ATG4B: variants seen among roughly 807,000 people sequenced by gnomAD.
ATG4B encodes the protein autophagy related 4B cysteine peptidase.
ATG4B carries 29 observed loss-of-function variants against 56.6 expected under a neutral mutation model. The observed-to-expected ratio is 0.51, with a 90% CI of 0.38 to 0.70. The LOEUF (loss-of-function observed/expected upper bound fraction) is 0.70, where lower values mean the gene tolerates loss of function less well. Ranked by LOEUF, ATG4B falls within the 30% of genes least tolerant of loss-of-function variation. The pLI, the probability that ATG4B is intolerant of heterozygous loss-of-function variation, is 0.00. For missense variants in ATG4B, 461 were observed against 515.5 expected (o/e 0.89, Z 1.02); for synonymous variants, 224 against 206.1 (o/e 1.09, Z -0.74).
intron 6 of ATG4B, 117 bp from the exon 7 acceptor site, chr2:241,658,984 GCCTTGGC>G (rs2068502387): frequency 1.5e-6 from 1 of 653,074 alleles, no homozygotes; most frequent in African/African-American, 1.8e-5. Context: ...GATTTTAGGA[GCCTTGGC>G]CCTTCTCATC....
chr2:241,651,096 T>TA lies in ATG4B; in HGVS notation c.98dup (p.Tyr33Ter). 1 of 1,613,560 alleles carries TA rather than the reference T, an allele frequency of 6.2e-7. No homozygotes were observed. Among genetic ancestry groups the TA allele is most frequent in the Non-Finnish European group, 8.5e-7 (1 of 1,179,692 alleles). The change falls in exon 2 of 13, where the codon TAC becomes TAAC. Residue 33 changes from tyrosine (Y) to a stop codon, truncating the protein, a stop_gained and frameshift_variant. Coordinates refer to ENST00000404914, the MANE Select transcript of ATG4B (RefSeq NM_013325.5). LOFTEE classifies it high-confidence loss of function. The surrounding 1 kb of genome is among the most constrained non-coding windows in gnomAD (Gnocchi z 4.1). Reference sequence around the variant, plus strand: ...GCCCGTTTGGATACTGGGTAGAAAATACAGCATTTTCACAGGTATCGGCCA... The same window carrying TA: ...GCCCGTTTGGATACTGGGTAGAAAATAACAGCATTTTCACAGGTATCGGCCA... ...SEPVWILGRK[Y>*]SIFTEKDEIL...
intron 12 of ATG4B, 196 bp downstream of exon 12, chr2:241,671,601 A>G (rs1575095847): frequency 1.3e-6 from 2 of 1,503,972 alleles, no homozygotes; most frequent in Non-Finnish European, 8.9e-7. Flanking sequence ...GCAGCCCAGG[A>G]CCCACCTCGT....
chr2:241,651,476 G>A lies in ATG4B; in HGVS notation c.184+141G>A. On this transcript the variant is annotated intron_variant, in intron 3 of 12. Transcript: ENST00000404914. This position sits in a 1 kb window ranked among gnomAD's most constrained non-coding sequence, Gnocchi z 4.1. ...AATCCTGCTTAACTGAATTGGCCGA[G>A]GCCTCACGTGTAGTAGTGGCAAAGC... The A allele has an allele frequency of 1.4e-6, 1 of 724,912 alleles. No individual in the cohort carries two copies. Among genetic ancestry groups the A allele is most frequent in the Non-Finnish European group, 2.3e-6 (1 of 439,246 alleles). 44.9% of individuals were successfully genotyped at this position (724,912 alleles called of 1,614,324 possible).
chr2:241,664,142 ATAAATTT>A (rs984190888), intron 7 of ATG4B, among the ~76,000 whole-genome samples: 1 of 152,136 alleles, frequency 6.6e-6, no homozygotes, highest in Non-Finnish European at 1.5e-5. Flanking sequence ...TATTTTAAAA[ATAAATTT>A]TAAAATTAAA....
chr2:241,666,938 C>T lies in ATG4B; in HGVS notation c.732+100C>T, dbSNP rs547476442. 99 of 1,381,048 alleles carry T rather than the reference C, an allele frequency of 7.2e-5. 1 individual carries two copies. The highest frequency in any genetic ancestry group is 8.6e-5 in the Non-Finnish European group (88 of 1,023,588). 85.5% of individuals were successfully genotyped at this position (1,381,048 alleles called of 1,614,324 possible). The stretch of plus-strand genomic sequence containing the variant: ...GTCGTCACGTGGCCATTTGTGCAGC[C>T]GGCTCTCGGGGGAGGGGTAAACAAC... On this transcript the variant is annotated intron_variant, in intron 8 of 12. Coordinates refer to ENST00000404914, the MANE Select transcript of ATG4B (RefSeq NM_013325.5).
chr2:241,656,981 T>G (rs574871150), intron 6 of ATG4B, among the ~76,000 whole-genome samples: 166 of 148,794 alleles, frequency 1.1e-3, no homozygotes, highest in African/African-American at 2.9e-3. Context: ...TCTTTTTTCT[T>G]TTTTTTTGAG....
intron 1 of ATG4B, among the ~76,000 whole-genome samples, chr2:241,647,374 T>C (rs1262117511): frequency 6.6e-6 from 1 of 151,588 alleles, no homozygotes; most frequent in African/African-American, 2.4e-5. Flanking sequence ...ATCCCAGCAC[T>C]TTGGGAGGCC....
chr2:241,659,215 A>G lies in ATG4B; in HGVS notation c.538+28A>G, dbSNP rs760430803. 19 of 1,600,444 alleles carry G rather than the reference A, an allele frequency of 1.2e-5. No individual in the cohort carries two copies. The African/African-American group carries it at 2.4e-4, about 20-fold the overall frequency. On this transcript the variant is annotated intron_variant, in intron 7 of 12. Coordinates refer to ENST00000404914, the MANE Select transcript of ATG4B (RefSeq NM_013325.5). Reference sequence around the variant, plus strand: ...AAGTGGCTCAGAGTTTCCATGGACAAGAAAGTTGAAATCACGGGCAACATA... The same window carrying G: ...AAGTGGCTCAGAGTTTCCATGGACAGGAAAGTTGAAATCACGGGCAACATA...
intron 4 of ATG4B, among the ~76,000 whole-genome samples, chr2:241,653,820 C>G (rs1044684796): frequency 1.3e-5 from 2 of 151,966 alleles, no homozygotes; most frequent in Admixed American, 6.6e-5. Flanking sequence ...TGGCGAGACC[C>G]CGTCTCACAA....
Position 241,668,009 on chromosome 2 carries a change from T to C in ATG4B, c.733-134T>C. Reference sequence around the variant, plus strand: ...CTTTCCTGGACAGTAAGCTCTTTGGTACCATGTCCCCTCCTGTCCCCTCTT... The same window carrying C: ...CTTTCCTGGACAGTAAGCTCTTTGGCACCATGTCCCCTCCTGTCCCCTCTT... On this transcript the variant is annotated intron_variant, in intron 8 of 12. Coordinates refer to ENST00000404914, the MANE Select transcript of ATG4B (RefSeq NM_013325.5). This position sits in a 1 kb window ranked among gnomAD's most constrained non-coding sequence, Gnocchi z 4.2. 3.9e-6 allele frequency: 3 copies of C among 770,138 alleles called. No homozygotes were observed. Among genetic ancestry groups the C allele is most frequent in the Non-Finnish European group, 6.2e-6 (3 of 485,176 alleles). 47.7% of individuals were successfully genotyped at this position (770,138 alleles called of 1,614,324 possible).
intron 12 of ATG4B, chr2:241,671,900 G>A: frequency 7.5e-7 from 1 of 1,340,566 alleles, no homozygotes; most frequent in Non-Finnish European, 9.6e-7. Context: ...CAATGGCAAT[G>A]GAACCACTCC....
In ATG4B at chr2:241,651,389, G is replaced by A; in HGVS notation, c.184+54G>A. ...GACAAAATATGTTTTTAGGAAGGAG[G>A]AAAACTTACGCTTGTAGATTTGACT... On this transcript the variant is annotated intron_variant, in intron 3 of 12. Transcript: ENST00000404914. This position sits in a 1 kb window ranked among gnomAD's most constrained non-coding sequence, Gnocchi z 4.1. 1 of 1,354,704 alleles carries A rather than the reference G, an allele frequency of 7.4e-7. No individual in the cohort carries two copies. The highest frequency in any genetic ancestry group is 1.0e-6 in the Non-Finnish European group (1 of 978,018). The allele number at this position is 1,354,704 out of a possible 1,614,324, so 83.9% of individuals were successfully genotyped here.
intron 12 of ATG4B, chr2:241,671,752 C>A: frequency 7.7e-7 from 1 of 1,295,792 alleles, no homozygotes; most frequent in East Asian, 3.7e-5. Context: ...TTGGGCACCA[C>A]TGGCCATGGG....
chr2:241,670,318 T>C lies in ATG4B; in HGVS notation c.958-408T>C, dbSNP rs189737570. 4.1e-3 allele frequency among the ~76,000 whole-genome samples: 607 copies of C among 149,600 alleles called. 5 individuals carry two copies. The highest frequency in any genetic ancestry group is 0.014 in the African/African-American group (577 of 40,656). ...TGTCCTTGGGCAGTTCTCGGTGGCC[T>C]TTGCCGCCAAGCTTCCAGGGAGCTG... On this transcript the variant is annotated intron_variant, in intron 10 of 12. Coordinates refer to ENST00000404914, the MANE Select transcript of ATG4B (RefSeq NM_013325.5).
At chr2:241,670,865 G>A (rs372717934) in intron 11 of ATG4B, 83 bp downstream of exon 11, 6 of 1,394,846 alleles carry the variant, frequency 4.3e-6, no homozygotes, top group African/African-American at 1.4e-5. Flanking sequence ...GAAGGCCTGC[G>A]TCCAGGTCTC....
chr2:241,652,549 A>G (rs976648688), intron 3 of ATG4B, among the ~76,000 whole-genome samples: 3 of 152,038 alleles, frequency 2.0e-5, no homozygotes, highest in Non-Finnish European at 4.4e-5. Flanking sequence ...TTTTTAATAG[A>G]TGGGGTTTCG....
intron 7 of ATG4B, among the ~76,000 whole-genome samples, chr2:241,665,223 C>T (rs2068725555): frequency 6.6e-6 from 1 of 152,196 alleles, no homozygotes; most frequent in South Asian, 2.1e-4. Flanking sequence ...TGGCCACAAA[C>T]CCTCCACCTA....
rs1559248075 is a variant in ATG4B, at chr2:241,643,676, G to GTGTGTGTGTGTGTGTA, written c.10+5957_10+5958insGTGTGTGTGTATGTGT. Among the ~76,000 whole-genome samples, 2 of 134,534 alleles carry GTGTGTGTGTGTGTGTA rather than the reference G, an allele frequency of 1.5e-5. 1 individual carries two copies. 88.3% of individuals were successfully genotyped at this position (134,534 alleles called of 152,430 possible). A position where few individuals can be genotyped will look rare whatever the true frequency, so the allele number is the denominator to read the frequency against. ...AATATATATATACGTGTGTGTGTGT[G>GTGTGTGTGTGTGTGTA]TGTGTATGTATATATTTTCCCCCCC... On this transcript the variant is annotated intron_variant, in intron 1 of 12. Coordinates refer to ENST00000404914, the MANE Select transcript of ATG4B (RefSeq NM_013325.5).
rs761507446 is a variant in ATG4B, at chr2:241,651,326, C to G, written c.175C>G (p.Pro59Ala). Reference sequence around the variant, plus strand: ...TTGGTTTACATACAGGAAAAACTTTCCAGCCATTGGTAAGTACTCTGTTTT... The same window carrying G: ...TTGGTTTACATACAGGAAAAACTTTGCAGCCATTGGTAAGTACTCTGTTTT... ...RLWFTYRKNF[P>A]AIGGTGPTSD... The change falls in exon 3 of 13, where the codon CCA becomes GCA. Residue 59 changes from proline (P) to alanine (A), a missense_variant. Transcript: ENST00000404914. This position sits in a 1 kb window ranked among gnomAD's most constrained non-coding sequence, Gnocchi z 4.1. The G allele has an allele frequency of 3.1e-6, 5 of 1,596,622 alleles. No individual in the cohort carries two copies. The Admixed American group carries it at 7.0e-5, about 22-fold the overall frequency.
Sources: allele counts gnomAD v4.1 joint callset (sites outside exome capture counted in the v4.1 genomes callset), GRCh38; gene constraint gnomAD v4.1.1; non-coding constraint Gnocchi (gnomAD v3.1); transcripts MANE v1.5; gene names NCBI Gene and HGNC (gene_info 2026-07-23, HGNC 2026-07-21).